RECQL5: variants seen among roughly 807,000 people sequenced by gnomAD.
RECQL5 encodes ATP-dependent DNA helicase Q5.
Under a neutral mutation model 103.4 loss-of-function variants are expected in RECQL5, and 88 were observed. The observed-to-expected ratio is 0.85, with a 90% CI of 0.72 to 1.02. The LOEUF is 1.02. Among genes scored for constraint, RECQL5 ranks in the 50% least tolerant of loss-of-function variants. The pLI, the probability that RECQL5 is intolerant of heterozygous loss-of-function variation, is 0.00. For missense variants in RECQL5, 1,232 were observed against 1,284.3 expected (o/e 0.96, Z 0.62); for synonymous variants, 552 against 507.9 (o/e 1.09, Z -1.17).
chr17:75,663,397 A>T (rs1344727330), intron 3 of RECQL5, among the ~76,000 whole-genome samples: 2 of 151,802 alleles, frequency 1.3e-5, no homozygotes, highest in Non-Finnish European at 2.9e-5. Flanking sequence ...AATATATATT[A>T]AAAATAATAA....
Position 75,662,615 on chromosome 17 carries a change from G to C in RECQL5, c.635C>G (p.Pro212Arg). Residue 212 changes from proline to arginine, a missense_variant, in exon 4 of 20, where the codon CCA (proline) becomes CGA (arginine). Coordinates refer to ENST00000317905, the MANE Select transcript of RECQL5 (RefSeq NM_004259.7). ...GCAGGGAGTCTTGAAGATGGCAACT[G>C]GTTTCTTCAGGTGCAGGGCAGCAAA... ...DVFAALHLKK[P>R]VAIFKTPCFR... The C allele has an allele frequency of 6.2e-7, 1 of 1,614,164 alleles. No homozygotes were observed. Among genetic ancestry groups the C allele is most frequent in the Non-Finnish European group, 8.5e-7 (1 of 1,180,038 alleles).
chr17:75,637,248 A>G (rs2059341465), intron 8 of RECQL5: 2 of 152,410 alleles, frequency 1.3e-5, no homozygotes, highest in African/African-American at 4.8e-5. Context: ...CACAAGCGAA[A>G]AAGCTCTCCC....
chr17:75,658,362 T>A lies in RECQL5; in HGVS notation c.1085A>T (p.Tyr362Phe). The change falls in exon 7 of 20, where the codon TAT becomes TTT. Residue 362 changes from tyrosine to phenylalanine, a missense_variant. Transcript: ENST00000317905. ...TTGGTCCCGGTCATTCCTGGAGTAA[T>A]AGAGACGGCACCAGGAAGGCTTCCC... is the stretch of plus-strand genomic sequence containing the variant. Reference protein sequence around the residue: ...RDGKPSWCRLYYSRNDRDQVS... With the variant: ...RDGKPSWCRLFYSRNDRDQVS... The A allele has an allele frequency of 4.3e-6, 7 of 1,613,968 alleles. No homozygotes were observed. Among genetic ancestry groups the A allele is most frequent in the Non-Finnish European group, 5.9e-6 (7 of 1,179,958 alleles).
Position 75,659,340 on chromosome 17 carries a change from A to G in RECQL5, c.987-880T>C, listed in dbSNP as rs147286157. On this transcript the variant is annotated intron_variant, in intron 6 of 19. Coordinates refer to ENST00000317905, the MANE Select transcript of RECQL5 (RefSeq NM_004259.7). ...CTCCCAAAGTGCTAGGATTACAGGC[A>G]TAAGCCACTGTGCCCGGCCTTGTTT... Among the ~76,000 whole-genome samples, 322 of 152,292 alleles carry G rather than the reference A, an allele frequency of 2.1e-3. 1 individual carries two copies. The highest frequency in any genetic ancestry group is 7.2e-3 in the African/African-American group (298 of 41,562).
chr17:75,655,572 G>A (rs1010272798), intron 7 of RECQL5, among the ~76,000 whole-genome samples: 2 of 151,926 alleles, frequency 1.3e-5, no homozygotes, highest in Admixed American at 1.3e-4. Flanking sequence ...CACCATGTTA[G>A]CCAGGATGGT....
chr17:75,633,647 A>G, intron 8 of RECQL5: 1 of 1,176,012 alleles, frequency 8.5e-7, no homozygotes. Context: ...TGTTCCTGAG[A>G]GAGGCCAGAG....
chr17:75,666,045 C>A lies in RECQL5; in HGVS notation c.130+383G>T, dbSNP rs558198756. On this transcript the variant is annotated intron_variant, in intron 2 of 19. Transcript: ENST00000317905. ...CTGTTCGTTTGTGTGTACAAACGAA[C>A]AATAATGAGAATCTGAAGTGTTTTC... Among the ~76,000 whole-genome samples, 4 of 152,254 alleles carry A rather than the reference C, an allele frequency of 2.6e-5. No individual in the cohort carries two copies. In the East Asian group the frequency reaches 7.7e-4, roughly 29 times the overall value.
At position 75,661,654 on chromosome 17, in the gene RECQL5, C is replaced by T; in HGVS notation, c.826G>A (p.Ala276Thr). ...CRTREACEQLAIELSCRGVNA... is the reference protein window; with the variant it reads ...CRTREACEQLTIELSCRGVNA... ...ACACCCCTGCAGCTGAGCTCTATGGCCAGCTGTTCACAAGCCTCTCTAGTC... is the reference window on the plus strand; with the variant it reads ...ACACCCCTGCAGCTGAGCTCTATGGTCAGCTGTTCACAAGCCTCTCTAGTC... Residue 276 changes from alanine (A) to threonine (T), a missense_variant, in exon 5 of 20, where the codon GCC (alanine) becomes ACC (threonine). Ala to Thr is a moderately conservative substitution (Grantham distance 58). Transcript: ENST00000317905. 1.9e-6 allele frequency: 3 copies of T among 1,614,038 alleles called. No homozygotes were observed. Among genetic ancestry groups the T allele is most frequent in the Non-Finnish European group, 2.5e-6 (3 of 1,180,012 alleles).
Position 75,628,735 on chromosome 17 carries a change from G to C in RECQL5, c.2517C>G (p.Thr839=). 5.7e-6 allele frequency: 9 copies of C among 1,592,084 alleles called. No individual in the cohort carries two copies. Among genetic ancestry groups the C allele is most frequent in the Non-Finnish European group, 7.7e-6 (9 of 1,174,696 alleles). Residue 839 remains threonine (T), a synonymous_variant, in exon 17 of 20, where the codon ACC becomes ACG. Transcript: ENST00000317905. ...TTGCAGGGGTGGGCTGGACTTCAGGGGTGCCCTGGTCTCTGGGCGGGCAGG... is the reference window on the plus strand; with the variant it reads ...TTGCAGGGGTGGGCTGGACTTCAGGCGTGCCCTGGTCTCTGGGCGGGCAGG... The part of the protein sequence containing the change: ...PSTCPPRDQG[T]PEVQPTPAKD...
chr17:75,640,692 G>C lies in RECQL5; in HGVS notation c.1230-9024C>G. On this transcript the variant is annotated intron_variant, in intron 8 of 19. Coordinates refer to ENST00000317905, the MANE Select transcript of RECQL5 (RefSeq NM_004259.7). This position sits in a 1 kb window ranked among gnomAD's most constrained non-coding sequence, Gnocchi z 4.6. Reference sequence around the variant, plus strand: ...TCTTTCTGACCTCCACCAAACCTGTGGGGGAAAGACCCTGGCAGGCAGTGG... The same window carrying C: ...TCTTTCTGACCTCCACCAAACCTGTCGGGGAAAGACCCTGGCAGGCAGTGG... 1 of 1,495,254 alleles carries C rather than the reference G, an allele frequency of 6.7e-7. No homozygotes were observed. The highest frequency in any genetic ancestry group is 1.3e-5 in the South Asian group (1 of 77,354). 92.6% of individuals were successfully genotyped at this position (1,495,254 alleles called of 1,614,324 possible).
At chr17:75,630,731 G>A (rs1430901717) in intron 12 of RECQL5, 39 bp from the exon 13 acceptor site, 1 of 1,605,766 alleles carries the variant, frequency 6.2e-7, no homozygotes, top group Admixed American at 1.7e-5. Context: ...TGGCCTCGCG[G>A]CTGGGGGAGG....
At position 75,667,117 on chromosome 17, in the gene RECQL5, AC is replaced by A; in HGVS notation, c.-89del. The A allele has an allele frequency of 2.0e-6, 1 of 510,964 alleles. No homozygotes were observed. The allele number at this position is 510,964 out of a possible 1,614,324, so 31.7% of individuals were successfully genotyped here. A position where few individuals can be genotyped will look rare whatever the true frequency, so the allele number is the denominator to read the frequency against. On this transcript the variant is annotated 5_prime_UTR_variant, in exon 1 of 20. Coordinates refer to ENST00000317905, the MANE Select transcript of RECQL5 (RefSeq NM_004259.7). ...CGGAACTGTTCGAAGACCCCTATACACAACCCCAACTCAGAGAAGCCAAAGC... is the reference window on the plus strand; with the variant it reads ...CGGAACTGTTCGAAGACCCCTATACAAACCCCAACTCAGAGAAGCCAAAGC...
chr17:75,630,843 G>GTGT lies in RECQL5; in HGVS notation c.1586-7_1586-6insACA. ...TTTCAGGGGACAGTTCTCATCTGTG[G>GTGT]GGGGGGGGGGTGGTCCTTGGTCCTT... On this transcript the variant is annotated splice_region_variant and splice_polypyrimidine_tract_variant and intron_variant, in intron 11 of 19. Transcript: ENST00000317905. The GTGT allele has an allele frequency of 1.4e-5, 19 of 1,311,026 alleles. No homozygotes were observed. The highest frequency in any genetic ancestry group is 2.5e-5 in the Admixed American group (1 of 40,328). The allele number at this position is 1,311,026 out of a possible 1,614,324, so 81.2% of individuals were successfully genotyped here. A position where few individuals can be genotyped will look rare whatever the true frequency, so the allele number is the denominator to read the frequency against.
intron 8 of RECQL5, chr17:75,638,683 A>G (rs2059375313): frequency 6.6e-6 from 1 of 152,244 alleles, no homozygotes; most frequent in Admixed American, 6.5e-5. Flanking sequence ...GCACCCCCCT[A>G]TGGCTGTCTA....
intron 8 of RECQL5, among the ~76,000 whole-genome samples, 186 bp from the exon 9 acceptor site, chr17:75,631,854 G>A (rs532863020): frequency 6.6e-6 from 1 of 152,384 alleles, no homozygotes; most frequent in Admixed American, 6.5e-5. Context: ...CACAGATGAG[G>A]ACGATAAGGT....
chr17:75,640,075 G>C lies in RECQL5; in HGVS notation c.1230-8407C>G. The C allele has an allele frequency of 7.5e-7, 1 of 1,328,420 alleles. No homozygotes were observed. The highest frequency in any genetic ancestry group is 2.6e-5 in the East Asian group (1 of 38,760). 82.3% of individuals were successfully genotyped at this position (1,328,420 alleles called of 1,614,324 possible). A position where few individuals can be genotyped will look rare whatever the true frequency, so the allele number is the denominator to read the frequency against. ...TGAGACCTGACAAACTTGTTCTGCG[G>C]GCTGCGGATGGGTGCGAGGGTGGAA... is the stretch of plus-strand genomic sequence containing the variant. On this transcript the variant is annotated intron_variant, in intron 8 of 19. Coordinates refer to ENST00000317905, the MANE Select transcript of RECQL5 (RefSeq NM_004259.7). The surrounding 1 kb of genome is among the most constrained non-coding windows in gnomAD (Gnocchi z 4.6).
intron 8 of RECQL5, chr17:75,633,579 T>C (rs2059262801): frequency 8.0e-7 from 1 of 1,248,648 alleles, no homozygotes; most frequent in South Asian, 1.3e-5. Context: ...CCCCAGGGAC[T>C]GGTTGCAAAG....
chr17:75,666,001 C>G (rs1488099083), intron 2 of RECQL5, among the ~76,000 whole-genome samples: 1 of 152,228 alleles, frequency 6.6e-6, no homozygotes, highest in East Asian at 1.9e-4. Flanking sequence ...TTAAGTTATT[C>G]CTACCACCCT....
intron 8 of RECQL5, chr17:75,639,927 C>T (rs566573825): frequency 1.1e-5 from 4 of 370,772 alleles, no homozygotes; most frequent in East Asian, 9.2e-5. Context: ...CCGCCTTGGC[C>T]GGCAGCCCCC....
Sources: allele counts gnomAD v4.1 joint callset (sites outside exome capture counted in the v4.1 genomes callset), GRCh38; gene constraint gnomAD v4.1.1; non-coding constraint Gnocchi (gnomAD v3.1); transcripts MANE v1.5; gene names NCBI Gene and HGNC (gene_info 2026-07-23, HGNC 2026-07-21).